Variants in LRRFIP2 observed in about 807,000 individuals in gnomAD.
LRRFIP2 encodes LRR binding FLII interacting protein 2, also known as leucine-rich repeat flightless-interacting protein 2.
Under a neutral mutation model 125.9 loss-of-function variants are expected in LRRFIP2, and 109 were observed. That is an observed-to-expected ratio of 0.87 (90% CI 0.74 to 1.01). LRRFIP2 has a LOEUF of 1.01. LRRFIP2 is among the 50% of genes least tolerant of loss of function. LRRFIP2 has a pLI of 0.00. For missense variants in LRRFIP2, 850 were observed against 862.3 expected (o/e 0.99, Z 0.18); for synonymous variants, 291 against 293.1 (o/e 0.99, Z 0.07).
At chr3:37,160,653 C>T (rs2096312814) in intron 1 of LRRFIP2, among the ~76,000 whole-genome samples, 2 of 151,922 alleles carry the variant, frequency 1.3e-5, no homozygotes, top group African/African-American at 4.8e-5. Flanking sequence ...GTGGTACATG[C>T]CTGTAATCCC....
intron 1 of LRRFIP2, among the ~76,000 whole-genome samples, chr3:37,161,240 C>A (rs2096335176): frequency 6.7e-6 from 1 of 148,740 alleles, no homozygotes; most frequent in Non-Finnish European, 1.5e-5. Flanking sequence ...TCTGTAATCC[C>A]AGTTACTTGG....
rs1196412596 is a variant in LRRFIP2 at position 37,091,448 on chromosome 3, G to A, written c.1107+19C>T. ...TCTGCATACAGAGCATGCTTGGGCTGCAGAATGGGCCCTGATACCTTTAGT... is the reference window on the plus strand; with the variant it reads ...TCTGCATACAGAGCATGCTTGGGCTACAGAATGGGCCCTGATACCTTTAGT... On this transcript the variant is annotated intron_variant, in intron 18 of 27. Transcript: ENST00000336686. 3.1e-6 allele frequency: 5 copies of A among 1,595,314 alleles called. No individual in the cohort carries two copies. The highest frequency in any genetic ancestry group is 3.6e-5 in the Admixed American group (2 of 56,220).
At position 37,053,462 on chromosome 3, in the gene LRRFIP2, G is replaced by T. The variant is rs538336676; in HGVS notation, c.*389C>A. The stretch of plus-strand genomic sequence containing the variant: ...GAATTGCACCGTGGAGAAGGCACTT[G>T]TGTTTTCTGAGGTCTCCAGCAAGTA... On this transcript the variant is annotated 3_prime_UTR_variant, in exon 28 of 28. Coordinates refer to ENST00000336686, the MANE Select transcript of LRRFIP2 (RefSeq NM_006309.4). The T allele has an allele frequency of 2.3e-3, 413 of 178,674 alleles. No individual in the cohort carries two copies. The highest frequency in any genetic ancestry group is 4.0e-3 in the Non-Finnish European group (330 of 83,536). 11.1% of individuals were successfully genotyped at this position (178,674 alleles called of 1,614,324 possible). A position where few individuals can be genotyped will look rare whatever the true frequency, so the allele number is the denominator to read the frequency against.
chr3:37,151,352 C>T (rs1294234595), intron 1 of LRRFIP2, among the ~76,000 whole-genome samples: 1 of 151,146 alleles, frequency 6.6e-6, no homozygotes, highest in African/African-American at 2.4e-5. Context: ...GAGCAAGACT[C>T]CATCTCAAAA....
intron 1 of LRRFIP2, among the ~76,000 whole-genome samples, chr3:37,165,058 A>AC (rs1206658875): frequency 6.6e-6 from 1 of 151,658 alleles, no homozygotes; most frequent in Non-Finnish European, 1.5e-5. Context: ...ACATGGTGAA[A>AC]CCCCATCTCT....
intron 2 of LRRFIP2, among the ~76,000 whole-genome samples, chr3:37,135,353 C>G (rs554795566): frequency 6.6e-6 from 1 of 151,086 alleles, no homozygotes; most frequent in South Asian, 2.1e-4. Flanking sequence ...CAGCTACTCG[C>G]GAGCCTGAGG....
At position 37,053,532 on chromosome 3, in the gene LRRFIP2, G is replaced by A. The variant is rs960990001; in HGVS notation, c.*319C>T. On this transcript the variant is annotated 3_prime_UTR_variant, in exon 28 of 28. Transcript: ENST00000336686. Reference sequence around the variant, plus strand: ...AATTGCTGTCTGTCCTCCAGAACCCGTGCCAAGGCCTCCGAGTGCCCAGTT... The same window carrying A: ...AATTGCTGTCTGTCCTCCAGAACCCATGCCAAGGCCTCCGAGTGCCCAGTT... The A allele has an allele frequency of 2.7e-5, 8 of 301,598 alleles. No individual in the cohort carries two copies. The highest frequency in any genetic ancestry group is 1.3e-4 in the African/African-American group (6 of 45,622). The allele number at this position is 301,598 out of a possible 1,614,324, so 18.7% of individuals were successfully genotyped here. A position where few individuals can be genotyped will look rare whatever the true frequency, so the allele number is the denominator to read the frequency against.
Position 37,134,937 on chromosome 3 carries a change from T to G in LRRFIP2, c.91-5788A>C, listed in dbSNP as rs113154514. The G allele has an allele frequency of 6.6e-4, 919 of 1,400,330 alleles. 4 individuals are homozygous for G. The African/African-American group carries it at 0.012, about 19-fold the overall frequency. The allele number at this position is 1,400,330 out of a possible 1,614,324, so 86.7% of individuals were successfully genotyped here. On this transcript the variant is annotated intron_variant, in intron 2 of 27. Coordinates refer to ENST00000336686, the MANE Select transcript of LRRFIP2 (RefSeq NM_006309.4). ...TCTCGATATTCTAAGATCACAGTGG[T>G]TGCCTGCTTTAAAACTATTTCTAAA...
chr3:37,160,779 C>CA (rs565182013), intron 1 of LRRFIP2, among the ~76,000 whole-genome samples: 31 of 118,758 alleles, frequency 2.6e-4, no homozygotes, highest in South Asian at 5.5e-4. Context: ...AACTCTGTCT[C>CA]AAAAAAAAAA....
At chr3:37,074,610 T>A (rs2091765546) in intron 20 of LRRFIP2, among the ~76,000 whole-genome samples, 1 of 152,194 alleles carries the variant, frequency 6.6e-6, no homozygotes, top group Non-Finnish European at 1.5e-5. Context: ...ACAGAACGTA[T>A]CTTGATGTTT....
chr3:37,066,530 A>G (rs1400075607), intron 21 of LRRFIP2: 1 of 530,700 alleles, frequency 1.9e-6, no homozygotes. Context: ...TCTCATAGAA[A>G]CTGGTTCTCA....
At chr3:37,131,211 TTCCTGGACTC>T (rs1390532521) in intron 2 of LRRFIP2, among the ~76,000 whole-genome samples, 1 of 152,186 alleles carries the variant, frequency 6.6e-6, no homozygotes, top group African/African-American at 2.4e-5. Context: ...TCTCTCTCCA[TTCCTGGACTC>T]TATTGTGTTC....
intron 21 of LRRFIP2, chr3:37,068,739 G>C (rs1300243132): frequency 6.6e-6 from 1 of 152,194 alleles, no homozygotes; most frequent in Non-Finnish European, 1.5e-5. Flanking sequence ...AAAAGGATGT[G>C]TATAATGGGC....
At chr3:37,167,770 G>C (rs956729027) in intron 1 of LRRFIP2, among the ~76,000 whole-genome samples, 1 of 151,944 alleles carries the variant, frequency 6.6e-6, no homozygotes, top group Non-Finnish European at 1.5e-5. Flanking sequence ...GAGCTCAGGA[G>C]TTTGAGACCC....
chr3:37,147,658 C>T (rs2095891157), intron 2 of LRRFIP2, among the ~76,000 whole-genome samples: 1 of 152,056 alleles, frequency 6.6e-6, no homozygotes, highest in East Asian at 1.9e-4. Flanking sequence ...ATACACTATT[C>T]CTAAATAAGT....
rs372326190 is a variant in LRRFIP2 at position 37,094,884 on chromosome 3, C to T, written c.943G>A (p.Ala315Thr). The T allele has an allele frequency of 5.0e-6, 8 of 1,613,190 alleles. No homozygotes were observed. In the African/African-American group the frequency reaches 1.1e-4, roughly 22 times the overall value. The change falls in exon 17 of 28, where the codon GCA (alanine) becomes ACA (threonine). Residue 315 changes from alanine (A) to threonine (T), a missense_variant. Transcript: ENST00000336686. ...GAGTTTCCACTTAGAGGGGTTGTTGCTGAGGCAGAATTTCGAGATGAAGGC... is the reference window on the plus strand; with the variant it reads ...GAGTTTCCACTTAGAGGGGTTGTTGTTGAGGCAGAATTTCGAGATGAAGGC... The part of the protein sequence containing the change: ...TRPSSRNSAS[A>T]TTPLSGNSSR...
chr3:37,084,012 GCTCTCTGTTCCCCAA>G (rs1254762374), intron 18 of LRRFIP2, among the ~76,000 whole-genome samples: 23 of 152,252 alleles, frequency 1.5e-4, no homozygotes, highest in African/African-American at 4.6e-4. Flanking sequence ...AACAATATGT[GCTCTCTGTTCCCCAA>G]GAAAACAAAA....
intron 2 of LRRFIP2, among the ~76,000 whole-genome samples, chr3:37,138,648 T>C (rs2095617748): frequency 6.6e-6 from 1 of 152,222 alleles, no homozygotes; most frequent in Admixed American, 6.5e-5. Flanking sequence ...TCAGAACATG[T>C]TTCTGTTCAT....
At chr3:37,075,843 A>C (rs769635423) in intron 19 of LRRFIP2, among the ~76,000 whole-genome samples, 3 of 152,182 alleles carry the variant, frequency 2.0e-5, no homozygotes, top group Admixed American at 2.0e-4. Flanking sequence ...TGGCACATGA[A>C]TATAGACCAA....
Sources: gnomAD v4.1 joint callset for allele counts (sites outside exome capture counted in the v4.1 genomes callset) on GRCh38, gnomAD v4.1.1 for gene constraint, MANE v1.5 for transcripts, NCBI Gene and HGNC (gene_info 2026-07-23, HGNC 2026-07-21) for gene names.